ESM1: variants seen among roughly 807,000 people sequenced by gnomAD.
The protein encoded by ESM1 is endothelial cell-specific molecule 1.
ESM1 carries 7 observed loss-of-function variants against 14.9 expected under a neutral mutation model. The observed-to-expected ratio is 0.47, with a 90% CI of 0.27 to 0.88. ESM1 has a LOEUF of 0.88. ESM1 is among the 40% of genes least tolerant of loss of function. The pLI, the probability that ESM1 is intolerant of heterozygous loss-of-function variation, is 0.14. For missense variants in ESM1, 192 were observed against 237.9 expected, an observed-to-expected ratio of 0.81 and a Z score of 1.27; for synonymous variants, 89 against 89.4, an observed-to-expected ratio of 1.00 and a Z score of 0.02.
intron 1 of ESM1, among the ~76,000 whole-genome samples, chr5:54,983,039 C>T (rs1459349994): frequency 1.3e-5 from 2 of 152,170 alleles, no homozygotes; most frequent in Non-Finnish European, 2.9e-5. Context: ...AGAATATTCT[C>T]TTGTTGTGAA....
rs143914015 is a variant in ESM1, at chr5:54,979,415, C to A, written c.472G>T (p.Asp158Tyr). Residue 158 changes from aspartate (D) to tyrosine (Y), a missense_variant, in exon 3 of 3, where the codon GAT (aspartate) becomes TAT (tyrosine). Coordinates refer to ENST00000381405, the MANE Select transcript of ESM1 (RefSeq NM_007036.5). Reference sequence around the variant, plus strand: ...ACTTCTTCTCTCACAATATTGCCATCTCCAGATGCCATGTCATGCTCTGAA... The same window carrying A: ...ACTTCTTCTCTCACAATATTGCCATATCCAGATGCCATGTCATGCTCTGAA... ...SLTEHDMASG[D>Y]GNIVREEVVK... The A allele has an allele frequency of 2.1e-5, 34 of 1,612,332 alleles. 1 individual carries two copies. Among genetic ancestry groups the A allele is most frequent in the Middle Eastern group, 3.3e-4 (2 of 6,060 alleles).
chr5:54,978,105 A>G lies in ESM1; in HGVS notation c.*1227T>C, dbSNP rs999697383. ...CTAGTACAACAGTCCTGTTTGTGCT[A>G]AGATTCTTTCAAATATACTCCTAAT... On this transcript the variant is annotated 3_prime_UTR_variant, in exon 3 of 3. Transcript: ENST00000381405. 19 of 152,204 alleles carry G rather than the reference A, an allele frequency of 1.2e-4. No individual in the cohort carries two copies. Among genetic ancestry groups the G allele is most frequent in the African/African-American group, 4.6e-4 (19 of 41,450 alleles). 9.4% of individuals were successfully genotyped at this position (152,204 alleles called of 1,614,324 possible).
rs1382563011 is a variant in ESM1 at position 54,985,264 on chromosome 5, G to A, written c.254C>T (p.Pro85Leu). Residue 85 changes from proline to leucine, a missense_variant, in exon 1 of 3, where the codon CCT becomes CTT. Coordinates refer to ENST00000381405, the MANE Select transcript of ESM1 (RefSeq NM_007036.5). ...ACCAAAAGGATCCTCCCCATTAGAA[G>A]GCTGACACCTCAGCCCCGGGCCACA... ...MKCGPGLRCQ[P>L]SNGEDPFGEE... 6.2e-7 allele frequency: 1 copy of A among 1,613,918 alleles called. No homozygotes were observed. The highest frequency in any genetic ancestry group is 8.5e-7 in the Non-Finnish European group (1 of 1,179,868).
At chr5:54,980,659 A>G (rs1744035785) in intron 2 of ESM1, among the ~76,000 whole-genome samples, 1 of 152,238 alleles carries the variant, frequency 6.6e-6, no homozygotes, top group Non-Finnish European at 1.5e-5. Context: ...ATTTCTGATA[A>G]GAATCTCAAT....
chr5:54,985,068 T>C (rs1740506803), intron 1 of ESM1, 149 bp downstream of exon 1: 4 of 701,302 alleles, frequency 5.7e-6, no homozygotes, highest in Non-Finnish European at 9.7e-6. Context: ...CTTCAGTCTC[T>C]ACCCATGACA....
At chr5:54,981,861 C>T in intron 2 of ESM1, 136 bp downstream of exon 2, 1 of 840,738 alleles carries the variant, frequency 1.2e-6, no homozygotes, top group Non-Finnish European at 1.8e-6. Context: ...CAGCTACCAC[C>T]CACCGTTCCC....
chr5:54,985,240 C>T lies in ESM1; in HGVS notation c.278G>A (p.Gly93Asp). 1 of 1,612,288 alleles carries T rather than the reference C, an allele frequency of 6.2e-7. No homozygotes were observed. The highest frequency in any genetic ancestry group is 8.5e-7 in the Non-Finnish European group (1 of 1,178,638). ...CQPSNGEDPF[G>D]EEFGICKDCP... ...ACCTTTGCAGATACCAAACTCTTCA[C>T]CAAAAGGATCCTCCCCATTAGAAGG... Residue 93 changes from glycine to aspartate, a missense_variant, in exon 1 of 3, where the codon GGT (glycine) becomes GAT (aspartate). Coordinates refer to ENST00000381405, the MANE Select transcript of ESM1 (RefSeq NM_007036.5).
chr5:54,983,495 C>T (rs928219061), intron 1 of ESM1, among the ~76,000 whole-genome samples: 1 of 152,190 alleles, frequency 6.6e-6, no homozygotes, highest in East Asian at 1.9e-4. Context: ...ATTTAGAAGA[C>T]ATTTGGATAC....
In ESM1 at chr5:54,985,107, C is replaced by T. The variant is rs1272581611; in HGVS notation, c.301+110G>A. 6 of 966,858 alleles carry T rather than the reference C, an allele frequency of 6.2e-6. No homozygotes were observed. The African/African-American group carries it at 9.8e-5, about 16-fold the overall frequency. The allele number at this position is 966,858 out of a possible 1,614,324, so 59.9% of individuals were successfully genotyped here. On this transcript the variant is annotated intron_variant, in intron 1 of 2. Coordinates refer to ENST00000381405, the MANE Select transcript of ESM1 (RefSeq NM_007036.5). ...CCTGTGTGGTGCCTTGTCAAGAATC[C>T]ACCTGCCTTTTCCCTCTTACTCTTG...
chr5:54,980,035 G>C (rs1334618022), intron 2 of ESM1, among the ~76,000 whole-genome samples: 1 of 152,166 alleles, frequency 6.6e-6, no homozygotes, highest in Admixed American at 6.5e-5. Context: ...TGCTTGCTTT[G>C]GCAGTGCACA....
Sources: allele counts gnomAD v4.1 joint callset (sites outside exome capture counted in the v4.1 genomes callset), GRCh38; gene constraint gnomAD v4.1.1; transcripts MANE v1.5; gene names NCBI Gene and HGNC (gene_info 2026-07-23, HGNC 2026-07-21).